The following PCDHA1 variants were observed in gnomAD, a reference collection of about 807,000 sequenced individuals.
PCDHA1 encodes protocadherin alpha-1.
A neutral mutation model predicts 61.3 loss-of-function variants in PCDHA1; 42 were observed. The ratio of observed to expected loss-of-function variants is 0.69; its 90% CI spans 0.54 to 0.89. PCDHA1 has a LOEUF of 0.89. Among genes scored for constraint, PCDHA1 ranks in the 40% least tolerant of loss-of-function variants. The pLI, the probability that PCDHA1 is intolerant of heterozygous loss-of-function variation, is 0.00. For missense variants in PCDHA1, 1,256 were observed against 1,235.3 expected, an observed-to-expected ratio of 1.02 and a Z score of -0.25; for synonymous variants, 610 against 553.8, an observed-to-expected ratio of 1.10 and a Z score of -1.43.
chr5:140,847,731 T>C lies in PCDHA1; in HGVS notation c.2394+59047T>C, dbSNP rs1031856254. ...GTATAAATGCTACAAAAGAGAAAAA[T>C]ATATTTTCTCCCCACGCAACACAAG... On this transcript the variant is annotated intron_variant, in intron 1 of 3. Coordinates refer to ENST00000504120, the MANE Select transcript of PCDHA1 (RefSeq NM_018900.4). 2.7e-5 allele frequency: 4 copies of C among 149,230 alleles called. No homozygotes were observed. The East Asian group carries it at 7.8e-4, about 29-fold the overall frequency. The allele number at this position is 149,230 out of a possible 1,614,324, so 9.2% of individuals were successfully genotyped here. A position where few individuals can be genotyped will look rare whatever the true frequency, so the allele number is the denominator to read the frequency against.
intron 1 of PCDHA1, among the ~76,000 whole-genome samples, chr5:140,893,672 T>G (rs1554185735): frequency 6.6e-6 from 1 of 152,216 alleles, no homozygotes; most frequent in African/African-American, 2.4e-5. Flanking sequence ...ATTTCAGCAC[T>G]TTGGATATAT....
intron 1 of PCDHA1, chr5:140,883,731 C>T (rs1287936712): frequency 6.2e-7 from 1 of 1,613,446 alleles, no homozygotes; most frequent in East Asian, 2.2e-5. Flanking sequence ...CAGGAGAACG[C>T]GCTGGTCTCC....
chr5:140,903,540 A>G (rs531687543), intron 1 of PCDHA1, among the ~76,000 whole-genome samples: 46 of 152,352 alleles, frequency 3.0e-4, no homozygotes, highest in African/African-American at 9.9e-4. Flanking sequence ...AACTAGAGCA[A>G]GAAACTTTTC....
chr5:140,980,628 CAGA>C (rs1554242055), intron 2 of PCDHA1, among the ~76,000 whole-genome samples: 1 of 150,868 alleles, frequency 6.6e-6, no homozygotes, highest in Non-Finnish European at 1.5e-5. Flanking sequence ...GACTCTGTCT[CAGA>C]AGAATAAATA....
In PCDHA1 at chr5:140,802,256, A is replaced by G. The variant is rs537450462; in HGVS notation, c.2394+13572A>G. 97 of 1,614,244 alleles carry G rather than the reference A, an allele frequency of 6.0e-5. No homozygotes were observed. The highest frequency in any genetic ancestry group is 4.0e-4 in the South Asian group (36 of 91,092). On this transcript the variant is annotated intron_variant, in intron 1 of 3. Coordinates refer to ENST00000504120, the MANE Select transcript of PCDHA1 (RefSeq NM_018900.4). ...ATAATGTACCTGAGTTAGTTATTCAATCACTATCTTTACCTGTATTAGAAG... is the reference window on the plus strand; with the variant it reads ...ATAATGTACCTGAGTTAGTTATTCAGTCACTATCTTTACCTGTATTAGAAG...
chr5:140,820,216 G>C (rs1246951912), intron 1 of PCDHA1, among the ~76,000 whole-genome samples: 2 of 151,856 alleles, frequency 1.3e-5, no homozygotes, highest in African/African-American at 2.4e-5. Flanking sequence ...AAATATTAGT[G>C]AAAAGTCATG....
chr5:141,000,385 C>CTA (rs2097909674), intron 3 of PCDHA1, among the ~76,000 whole-genome samples: 1 of 64,994 alleles, frequency 1.5e-5, no homozygotes, highest in Non-Finnish European at 2.9e-5. Context: ...CTCTCTCTCT[C>CTA]TCTCTCTCTC....
intron 1 of PCDHA1, among the ~76,000 whole-genome samples, chr5:140,943,553 CAAT>C (rs1554215748): frequency 6.6e-6 from 1 of 152,026 alleles, no homozygotes; most frequent in East Asian, 1.9e-4. Context: ...TAGACGTAGA[CAAT>C]AATCATTTTA....
At chr5:140,798,769 G>A (rs1419185149) in intron 1 of PCDHA1, among the ~76,000 whole-genome samples, 1 of 152,084 alleles carries the variant, frequency 6.6e-6, no homozygotes, top group Non-Finnish European at 1.5e-5. Flanking sequence ...CACTGAACTC[G>A]ACAAGTAAAT....
chr5:140,862,832 C>A (rs1554157076), intron 1 of PCDHA1: 1 of 572,198 alleles, frequency 1.7e-6, no homozygotes, highest in South Asian at 1.4e-5. Context: ...GCGCGCGACG[C>A]GGGCATGCCG....
In PCDHA1 at chr5:140,951,072, T is replaced by G. The variant is rs551891980; in HGVS notation, c.2395-27877T>G. Among the ~76,000 whole-genome samples the G allele has an allele frequency of 1.1e-4, 16 of 152,184 alleles. No individual in the cohort carries two copies. The South Asian group carries it at 3.1e-3, about 30-fold the overall frequency. ...ATTGCTAAAATTTCCATTGGCTTTCTTATATTTTCCTTTTTTTCTGATAAG... is the reference window on the plus strand; with the variant it reads ...ATTGCTAAAATTTCCATTGGCTTTCGTATATTTTCCTTTTTTTCTGATAAG... On this transcript the variant is annotated intron_variant, in intron 1 of 3. Transcript: ENST00000504120.
intron 1 of PCDHA1, chr5:140,865,199 T>C (rs776546973): frequency 1.2e-4 from 18 of 152,246 alleles, no homozygotes; most frequent in Admixed American, 9.2e-4. Context: ...ACCATATTAA[T>C]GTGAATTGCT....
intron 1 of PCDHA1, chr5:140,849,428 A>G: frequency 6.3e-7 from 1 of 1,578,702 alleles, no homozygotes; most frequent in Non-Finnish European, 8.6e-7. Context: ...TGGATTTTGA[A>G]GAAAGTAGAG....
chr5:140,881,659 T>C (rs2058783076), intron 1 of PCDHA1, among the ~76,000 whole-genome samples: 1 of 152,240 alleles, frequency 6.6e-6, no homozygotes, highest in African/African-American at 2.4e-5. Flanking sequence ...CTTCACCGAT[T>C]TTATTCTTAT....
chr5:140,839,341 G>C (rs2150296500), intron 1 of PCDHA1, among the ~76,000 whole-genome samples: 1 of 150,798 alleles, frequency 6.6e-6, no homozygotes, highest in Non-Finnish European at 1.5e-5. Context: ...AGTTGATAGG[G>C]GATCCTCCTT....
chr5:140,941,573 C>T (rs1220556647), intron 1 of PCDHA1, among the ~76,000 whole-genome samples: 1 of 152,108 alleles, frequency 6.6e-6, no homozygotes, highest in African/African-American at 2.4e-5. Flanking sequence ...CCTCAGCCTC[C>T]CAAAGTGCTG....
chr5:140,929,325 G>A (rs782073530), intron 1 of PCDHA1: 4 of 1,538,392 alleles, frequency 2.6e-6, no homozygotes, highest in Non-Finnish European at 3.5e-6. Flanking sequence ...TCAATGCCAT[G>A]GTAAGCAAAT....
intron 1 of PCDHA1, chr5:140,829,755 T>C (rs2150173994): frequency 6.2e-7 from 1 of 1,613,728 alleles, no homozygotes; most frequent in East Asian, 2.2e-5. Flanking sequence ...CAGGTGTTCG[T>C]GCTGGACGAG....
chr5:140,818,181 C>T (rs1183209623), intron 1 of PCDHA1, among the ~76,000 whole-genome samples: 2 of 152,214 alleles, frequency 1.3e-5, no homozygotes, highest in Admixed American at 6.5e-5. Context: ...TTATATTCTT[C>T]TGTGACTATA....
Sources: allele counts gnomAD v4.1 joint callset (sites outside exome capture counted in the v4.1 genomes callset), GRCh38; gene constraint gnomAD v4.1.1; transcripts MANE v1.5; gene names NCBI Gene and HGNC (gene_info 2026-07-23, HGNC 2026-07-21).